The following TSC22D3 variants were observed in gnomAD, a reference collection of about 807,000 sequenced individuals.
TSC22D3 encodes the protein TSC22 domain family protein 3.
TSC22D3 carries 4 observed loss-of-function variants against 11.1 expected under a neutral mutation model. That is an observed-to-expected ratio of 0.36 (90% confidence interval 0.18 to 0.83). The LOEUF (loss-of-function observed/expected upper bound fraction) is 0.83. TSC22D3 is among the 40% of genes least tolerant of loss of function. The probability of loss-of-function intolerance (pLI) is 0.48; values close to 1 mark genes in which losing one functional copy is unlikely to be tolerated. For synonymous variants in TSC22D3, 77 were observed against 70.3 expected (o/e 1.10, Z -0.48); for missense variants, 118 against 159.4 (o/e 0.74, Z 1.40).
intron 1 of TSC22D3, among the ~76,000 whole-genome samples, chrX:107,735,028 C>T (rs1928067852): frequency 1.8e-5 from 2 of 111,115 alleles, no homozygotes; most frequent in African/African-American, 6.6e-5. Context: ...TCCCCCTTAC[C>T]CGACCCTCAC....
chrX:107,748,131 G>T (rs747903003), intron 1 of TSC22D3, among the ~76,000 whole-genome samples: 4 of 111,819 alleles, frequency 3.6e-5, no homozygotes, highest in African/African-American at 6.5e-5. Flanking sequence ...CATACATGGA[G>T]GGAGCTGTAT....
chrX:107,716,380 G>A, intron 1 of TSC22D3: 4 of 919,346 alleles, frequency 4.4e-6, no homozygotes, highest in Non-Finnish European at 5.4e-6. Flanking sequence ...CCCAAGCGGC[G>A]CACGGCGCTC....
chrX:107,728,968 C>G (rs1927763825), intron 1 of TSC22D3, among the ~76,000 whole-genome samples: 2 of 111,458 alleles, frequency 1.8e-5, no homozygotes, highest in Admixed American at 1.9e-4. Flanking sequence ...TTTCAGGGGA[C>G]AGGCAAATGT....
At position 107,714,354 on chromosome X, in the gene TSC22D3, G is replaced by A. The variant is rs1926894924; in HGVS notation, c.*165C>T. 2 of 457,946 alleles carry A rather than the reference G, an allele frequency of 4.4e-6. No homozygotes were observed. The highest frequency in any genetic ancestry group is 7.4e-6 in the Non-Finnish European group (2 of 271,372). 37.7% of individuals were successfully genotyped at this position (457,946 alleles called of 1,213,427 possible). On this transcript the variant is annotated 3_prime_UTR_variant, in exon 3 of 3. Transcript: ENST00000372383. ...GACCTGCTCTTGTCAGGGGTCTGTC[G>A]CTGGAGTGGACCCAGGTGGCCATGT... is the stretch of plus-strand genomic sequence containing the variant.
At position 107,774,791 on chromosome X, in the gene TSC22D3, T is replaced by C. The variant is rs1383923806; in HGVS notation, c.320+309A>G. The C allele has an allele frequency of 1.2e-5, 4 of 340,867 alleles. No homozygotes were observed. The East Asian group carries it at 1.9e-4, about 16-fold the overall frequency. 28.1% of individuals were successfully genotyped at this position (340,867 alleles called of 1,213,427 possible). On this transcript the variant is annotated intron_variant, in intron 1 of 2. Coordinates refer to ENST00000372383, the MANE Select transcript of TSC22D3 (RefSeq NM_198057.3). ...AGAATCTCCAAAGGGGCTATGGAAA[T>C]GTATGCATTTGAGGAGCGGGTACTT... is the stretch of plus-strand genomic sequence containing the variant.
chrX:107,726,985 C>A (rs1413373502), intron 1 of TSC22D3, among the ~76,000 whole-genome samples: 1 of 111,603 alleles, frequency 9.0e-6, no homozygotes, highest in Non-Finnish European at 1.9e-5. Context: ...ATATGGAAAC[C>A]GAGGAACAGC....
intron 1 of TSC22D3, among the ~76,000 whole-genome samples, chrX:107,742,893 G>A (rs1435968267): frequency 8.9e-6 from 1 of 112,007 alleles, no homozygotes; most frequent in Non-Finnish European, 1.9e-5. Flanking sequence ...CCTGCTCCTC[G>A]GGAGCCCCGA....
intron 1 of TSC22D3, among the ~76,000 whole-genome samples, chrX:107,760,081 G>C (rs1379281851): frequency 8.9e-6 from 1 of 112,952 alleles, no homozygotes; most frequent in Non-Finnish European, 1.9e-5. Context: ...CCAGACGGCG[G>C]CTCTGCCAGC....
intron 1 of TSC22D3, among the ~76,000 whole-genome samples, chrX:107,741,146 C>G (rs1928386190): frequency 8.9e-6 from 1 of 112,250 alleles, no homozygotes; most frequent in South Asian, 3.7e-4. Flanking sequence ...GAACTCAGCA[C>G]TGCCACTCAC....
At chrX:107,743,972 G>A (rs1219962908) in intron 1 of TSC22D3, among the ~76,000 whole-genome samples, 1 of 112,351 alleles carries the variant, frequency 8.9e-6, no homozygotes, top group Non-Finnish European at 1.9e-5. Flanking sequence ...TGCAAGAGAA[G>A]TGGGTGGGTG....
chrX:107,749,418 G>C (rs943563018), intron 1 of TSC22D3, among the ~76,000 whole-genome samples: 60 of 110,295 alleles, frequency 5.4e-4, no homozygotes, highest in African/African-American at 1.5e-3. Flanking sequence ...GAGGACAGGA[G>C]GTGGTTAATT....
intron 1 of TSC22D3, among the ~76,000 whole-genome samples, chrX:107,745,452 A>G (rs1037080146): frequency 4.4e-5 from 5 of 112,456 alleles, no homozygotes; most frequent in African/African-American, 1.3e-4. Flanking sequence ...GGGTTTACCT[A>G]TGAGAAGATA....
intron 1 of TSC22D3, among the ~76,000 whole-genome samples, chrX:107,745,788 A>C (rs1167467681): frequency 8.9e-6 from 1 of 112,419 alleles, no homozygotes; most frequent in Non-Finnish European, 1.9e-5. Flanking sequence ...CCGTTTGTTT[A>C]AACCAAGGTC....
intron 1 of TSC22D3, among the ~76,000 whole-genome samples, chrX:107,750,500 G>A (rs184813079): frequency 3.6e-5 from 4 of 111,459 alleles, no homozygotes; most frequent in Non-Finnish European, 7.5e-5. Flanking sequence ...CGAGGACGGC[G>A]AGCAAAACTG....
At chrX:107,742,159 T>TC (rs1928427975) in intron 1 of TSC22D3, among the ~76,000 whole-genome samples, 2 of 110,136 alleles carry the variant, frequency 1.8e-5, no homozygotes, top group South Asian at 7.9e-4. Flanking sequence ...GGGCTGGGCT[T>TC]CCGGGTGCCT....
At position 107,775,656 on chromosome X, in the gene TSC22D3, A is replaced by ACTTCCTC; in HGVS notation, c.-244_-238dup. On this transcript the variant is annotated 5_prime_UTR_variant, in exon 1 of 3. Coordinates refer to ENST00000372383, the MANE Select transcript of TSC22D3 (RefSeq NM_198057.3). ...AGCTCCGAGCGGATCCTTCGGGCTC[A>ACTTCCTC]CTTCCTCCTCTTCCTCCTTCTCCTC... is the stretch of plus-strand genomic sequence containing the variant. 1 of 292,455 alleles carries ACTTCCTC rather than the reference A, an allele frequency of 3.4e-6. No homozygotes were observed. 24.1% of individuals were successfully genotyped at this position (292,455 alleles called of 1,213,427 possible).
At position 107,775,293 on chromosome X, in the gene TSC22D3, G is replaced by C; in HGVS notation, c.127C>G (p.Pro43Ala). ...SSGENNNPGS[P>A]TVSNFRQLQE... ...AGCTGCCGAAAGTTGCTCACTGTAG[G>C]GCTGCCCGGGTTGTTGTTCTCCCCG... Residue 43 changes from proline (P) to alanine (A), a missense_variant, in exon 1 of 3, where the codon CCT (proline) becomes GCT (alanine). Coordinates refer to ENST00000372383, the MANE Select transcript of TSC22D3 (RefSeq NM_198057.3). The C allele has an allele frequency of 8.3e-7, 1 of 1,211,785 alleles. No homozygotes were observed. Among genetic ancestry groups the C allele is most frequent in the Middle Eastern group, 2.3e-4 (1 of 4,350 alleles).
At chrX:107,774,435 T>A (rs754098886) in intron 1 of TSC22D3, among the ~76,000 whole-genome samples, 1 of 111,343 alleles carries the variant, frequency 9.0e-6, no homozygotes, top group Non-Finnish European at 1.9e-5. Flanking sequence ...CCACACATAG[T>A]TCTTGAGGCA....
rs750629446 is a variant in TSC22D3, at chrX:107,753,574, CTCCTTGGATCTG to C, written c.320+21514_320+21525del. On this transcript the variant is annotated intron_variant, in intron 1 of 2. Transcript: ENST00000372383. ...AAGGGAACTATCGATTTCCTGGTAA[CTCCTTGGATCTG>C]TCTCCCCAAGTCAAACTAGGTACCA... 4.5e-5 allele frequency among the ~76,000 whole-genome samples: 5 copies of C among 111,646 alleles called. No homozygotes were observed. The South Asian group carries it at 1.9e-3, about 42-fold the overall frequency.
Sources: gnomAD v4.1 joint callset for allele counts (sites outside exome capture counted in the v4.1 genomes callset) on GRCh38, gnomAD v4.1.1 for gene constraint, MANE v1.5 for transcripts, NCBI Gene and HGNC (gene_info 2026-07-23, HGNC 2026-07-21) for gene names.